R3HDM1: variants seen among roughly 807,000 people sequenced by gnomAD.
R3HDM1 encodes the protein R3H domain containing 1, also known as R3H domain-containing protein 1.
R3HDM1 carries 46 observed loss-of-function variants against 141.1 expected under a neutral mutation model. The observed-to-expected ratio is 0.33, with a 90% CI of 0.26 to 0.42. The LOEUF (loss-of-function observed/expected upper bound fraction) is 0.42. Among genes scored for constraint, R3HDM1 ranks in the 10% least tolerant of loss-of-function variants. The pLI is 1.00. For synonymous variants in R3HDM1, 435 were observed against 472.9 expected (o/e 0.92, Z 1.04); for missense variants, 1,184 against 1,368.3 (o/e 0.87, Z 2.12).
At chr2:135,567,264 A>G (rs987659804) in intron 1 of R3HDM1, among the ~76,000 whole-genome samples, 1 of 152,190 alleles carries the variant, frequency 6.6e-6, no homozygotes, top group Non-Finnish European at 1.5e-5. Context: ...GTTAGAGCCC[A>G]ATATAATTAA....
At chr2:135,621,435 G>A in intron 5 of R3HDM1, 59 bp from the exon 6 acceptor site, 2 of 1,013,264 alleles carry the variant, frequency 2.0e-6, no homozygotes, top group Non-Finnish European at 2.8e-6. Flanking sequence ...ATATAAATGT[G>A]TGGTATTAAA....
In R3HDM1 at chr2:135,581,082, T is replaced by C. The variant is rs1222962781; in HGVS notation, c.-249-21418T>C. The stretch of plus-strand genomic sequence containing the variant: ...AATGCTTATATCTTATACTAGACCA[T>C]CTATGGTATGAAGAATAAATTAGAA... On this transcript the variant is annotated intron_variant, in intron 1 of 26. Transcript: ENST00000683871. 6 of 625,754 alleles carry C rather than the reference T, an allele frequency of 9.6e-6. No homozygotes were observed. The African/African-American group carries it at 1.2e-4, about 12-fold the overall frequency. 38.8% of individuals were successfully genotyped at this position (625,754 alleles called of 1,614,324 possible).
chr2:135,661,739 G>A (rs2066745264), intron 19 of R3HDM1, among the ~76,000 whole-genome samples: 1 of 152,172 alleles, frequency 6.6e-6, no homozygotes, highest in African/African-American at 2.4e-5. Flanking sequence ...GCGAGGCAAG[G>A]TGACTTATGA....
intron 5 of R3HDM1, among the ~76,000 whole-genome samples, chr2:135,619,236 G>A (rs907425430): frequency 7.2e-5 from 11 of 152,112 alleles, no homozygotes; most frequent in South Asian, 4.1e-4. Flanking sequence ...CAGAGGAAGC[G>A]TATACTTTTT....
chr2:135,660,144 A>G (rs1005950312), intron 18 of R3HDM1, among the ~76,000 whole-genome samples: 2 of 152,236 alleles, frequency 1.3e-5, no homozygotes, highest in African/African-American at 4.8e-5. Context: ...ATAAAGAAAG[A>G]TGTCTCAAAA....
chr2:135,610,668 T>C (rs2060457184), intron 3 of R3HDM1, among the ~76,000 whole-genome samples: 1 of 152,214 alleles, frequency 6.6e-6, no homozygotes, highest in Admixed American at 6.5e-5. Context: ...AATTCCCTCA[T>C]TTGCTTGGAA....
intron 18 of R3HDM1, among the ~76,000 whole-genome samples, chr2:135,658,321 C>A (rs2066198213): frequency 1.3e-5 from 2 of 152,120 alleles, no homozygotes; most frequent in Non-Finnish European, 2.9e-5. Context: ...CGCGTGCCAC[C>A]ATGCCCGGCT....
At chr2:135,669,517 A>G in intron 19 of R3HDM1, 1 of 984,960 alleles carries the variant, frequency 1.0e-6, no homozygotes, top group Non-Finnish European at 1.2e-6. Flanking sequence ...GTCTTCATTA[A>G]CCAAAATTAT....
intron 21 of R3HDM1, among the ~76,000 whole-genome samples, chr2:135,702,384 G>T (rs1327358069): frequency 6.6e-6 from 1 of 152,002 alleles, no homozygotes; most frequent in Non-Finnish European, 1.5e-5. Context: ...AAAATGGCCG[G>T]GTGTGGTGGC....
At chr2:135,657,410 CAAA>C (rs11334528) in intron 18 of R3HDM1, among the ~76,000 whole-genome samples, 5 of 73,840 alleles carry the variant, frequency 6.8e-5, no homozygotes, top group Non-Finnish European at 8.9e-5. Context: ...TACTCTGTCT[CAAA>C]AAAAAAAAAA....
chr2:135,660,371 TA>T (rs1163784281), intron 18 of R3HDM1, among the ~76,000 whole-genome samples: 1 of 152,146 alleles, frequency 6.6e-6, no homozygotes, highest in African/African-American at 2.4e-5. Context: ...AGCCTTAAGG[TA>T]ATATAAGCCA....
chr2:135,662,259 C>A (rs2066822550), intron 19 of R3HDM1, among the ~76,000 whole-genome samples: 1 of 152,212 alleles, frequency 6.6e-6, no homozygotes, highest in African/African-American at 2.4e-5. Context: ...AACCCATAAC[C>A]TCCACCTCCA....
At chr2:135,692,802 G>T (rs946751896) in intron 21 of R3HDM1, among the ~76,000 whole-genome samples, 4 of 152,114 alleles carry the variant, frequency 2.6e-5, no homozygotes, top group African/African-American at 9.7e-5. Context: ...CCTCAGCTGT[G>T]GTAGTGGCAG....
intron 21 of R3HDM1, among the ~76,000 whole-genome samples, chr2:135,701,922 G>A (rs923551427): frequency 6.6e-6 from 1 of 152,090 alleles, no homozygotes; most frequent in Admixed American, 6.6e-5. Context: ...TTTTTAAACA[G>A]CTCTATTGAG....
At chr2:135,658,097 G>A (rs1342327049) in intron 18 of R3HDM1, among the ~76,000 whole-genome samples, 1 of 152,190 alleles carries the variant, frequency 6.6e-6, no homozygotes, top group Non-Finnish European at 1.5e-5. Context: ...AAGTATTTGT[G>A]CATCTAAATA....
chr2:135,603,149 C>T (rs1346065662), intron 2 of R3HDM1, among the ~76,000 whole-genome samples: 1 of 151,938 alleles, frequency 6.6e-6, no homozygotes, highest in Non-Finnish European at 1.5e-5. Context: ...GCTACCATGC[C>T]CAGCTAATTT....
chr2:135,649,616 C>G (rs1011833116), intron 16 of R3HDM1, among the ~76,000 whole-genome samples: 1 of 152,066 alleles, frequency 6.6e-6, no homozygotes, highest in Non-Finnish European at 1.5e-5. Flanking sequence ...ATTCAAAATG[C>G]CTAAGTCACC....
chr2:135,703,407 T>G (rs10928544), intron 21 of R3HDM1, among the ~76,000 whole-genome samples: 147,769 of 152,244 alleles, frequency 0.97, 71,850 homozygotes, highest in Middle Eastern at 1. Context: ...TAAATTTATT[T>G]TAGAATACAA....
intron 7 of R3HDM1, among the ~76,000 whole-genome samples, chr2:135,624,331 C>T (rs891637177): frequency 6.8e-6 from 1 of 148,056 alleles, no homozygotes; most frequent in Non-Finnish European, 1.5e-5. Context: ...GGAGGCAGAG[C>T]TTGCAGTGAG....
Sources: gnomAD v4.1 joint callset for allele counts (sites outside exome capture counted in the v4.1 genomes callset) on GRCh38, gnomAD v4.1.1 for gene constraint, MANE v1.5 for transcripts, NCBI Gene and HGNC (gene_info 2026-07-23, HGNC 2026-07-21) for gene names.